Variants in TCEA1 observed in about 807,000 individuals in gnomAD.
TCEA1 encodes the protein transcription elongation factor A protein 1.
In TCEA1, 21 loss-of-function variants were observed where a neutral mutation model predicts 43.8. That is an observed-to-expected ratio of 0.48 (90% CI 0.34 to 0.69). The LOEUF (loss-of-function observed/expected upper bound fraction) is 0.69, where lower values mean the gene tolerates loss of function less well. Among genes scored for constraint, TCEA1 ranks in the 30% least tolerant of loss-of-function variants. TCEA1 has a pLI of 0.01. For synonymous variants in TCEA1, 104 were observed against 117.5 expected (o/e 0.88, Z 0.75); for missense variants, 250 against 365.1 (o/e 0.68, Z 2.57).
At chr8:53,988,450 A>G (rs1274887409) in intron 4 of TCEA1, among the ~76,000 whole-genome samples, 191 bp from the exon 5 acceptor site, 1 of 152,244 alleles carries the variant, frequency 6.6e-6, no homozygotes, top group East Asian at 1.9e-4. Flanking sequence ...ACAATTTAGT[A>G]AAGTGACAAG....
At chr8:53,979,220 T>C (rs1158796658) in intron 7 of TCEA1, 49 bp from the exon 8 acceptor site, 1 of 1,512,968 alleles carries the variant, frequency 6.6e-7, no homozygotes. Context: ...CTTCTATATA[T>C]ATCCTGAATG....
intron 8 of TCEA1, chr8:53,972,760 A>G (rs188178488): frequency 1.4e-5 from 10 of 711,638 alleles, no homozygotes; most frequent in African/African-American, 1.4e-4. Context: ...CTGAAGTACT[A>G]TTATGCAGTA....
intron 1 of TCEA1, among the ~76,000 whole-genome samples, chr8:54,018,702 C>T (rs1804922386): frequency 6.6e-6 from 1 of 152,146 alleles, no homozygotes; most frequent in Non-Finnish European, 1.5e-5. Context: ...GTGGCTTGGT[C>T]ATGTGCACTT....
chr8:54,008,003 G>A (rs969304170), intron 2 of TCEA1, among the ~76,000 whole-genome samples: 1 of 151,832 alleles, frequency 6.6e-6, no homozygotes, highest in African/African-American at 2.4e-5. Flanking sequence ...CCAACATGGT[G>A]AAACCCCGTC....
chr8:53,978,951 C>A, intron 8 of TCEA1, 74 bp downstream of exon 8: 1 of 1,472,576 alleles, frequency 6.8e-7, no homozygotes. Context: ...TGGTAATTAT[C>A]TTTGCTATTT....
At chr8:53,988,395 A>G in intron 4 of TCEA1, 136 bp from the exon 5 acceptor site, 1 of 1,025,440 alleles carries the variant, frequency 9.8e-7, no homozygotes, top group Non-Finnish European at 1.3e-6. Flanking sequence ...TATGTGATGG[A>G]AAAAAAATTG....
chr8:53,977,877 G>A (rs144604096), intron 8 of TCEA1, among the ~76,000 whole-genome samples: 5 of 152,320 alleles, frequency 3.3e-5, no homozygotes, highest in African/African-American at 1.2e-4. Flanking sequence ...CATAAGCCAT[G>A]TGGAGGAGCG....
chr8:53,979,299 A>AT (rs1803434810), intron 7 of TCEA1, 128 bp from the exon 8 acceptor site: 1 of 1,076,294 alleles, frequency 9.3e-7, no homozygotes. Context: ...AAAGCATTAA[A>AT]TTAATATTTT....
At chr8:54,000,644 C>CAGAA (rs1396883650) in intron 2 of TCEA1, among the ~76,000 whole-genome samples, 1 of 152,148 alleles carries the variant, frequency 6.6e-6, no homozygotes, top group African/African-American at 2.4e-5. Context: ...ATTCATCAAT[C>CAGAA]TTTCTAACAA....
Position 53,984,442 on chromosome 8 carries a change from T to A in TCEA1, c.599A>T (p.Asp200Val), listed in dbSNP as rs1378782348. Residue 200 changes from aspartate (D) to valine (V), a missense_variant, in exon 7 of 10, where the codon GAT becomes GTT. This residue lies in a region of TCEA1 where 147 missense variants were observed against 160.3 expected (regional missense o/e 0.92). Transcript: ENST00000521604. ...TTTCCTTAAATTTGGATTTTTTGCA[T>A]CTTTAAGATTTGATATCCTACTTCG... ...RVRSRISNLKDAKNPNLRKNV... is the reference protein window; with the variant it reads ...RVRSRISNLKVAKNPNLRKNV... 6.2e-7 allele frequency: 1 copy of A among 1,602,936 alleles called. No individual in the cohort carries two copies. The highest frequency in any genetic ancestry group is 2.2e-5 in the East Asian group (1 of 44,778).
intron 2 of TCEA1, 26 bp from the exon 3 acceptor site, chr8:54,000,076 T>C (rs778972115): frequency 1.2e-5 from 15 of 1,273,558 alleles, no homozygotes; most frequent in Admixed American, 2.5e-5. Context: ...AAAAAAATTA[T>C]GTATACCAAT....
intron 2 of TCEA1, among the ~76,000 whole-genome samples, chr8:54,005,674 T>A (rs1804415648): frequency 6.6e-6 from 1 of 152,192 alleles, no homozygotes; most frequent in South Asian, 2.1e-4. Flanking sequence ...AGGCTGTCTT[T>A]CATTAACAAA....
intron 1 of TCEA1, among the ~76,000 whole-genome samples, chr8:54,018,359 A>G (rs145299289): frequency 6.6e-6 from 1 of 152,344 alleles, no homozygotes; most frequent in East Asian, 1.9e-4. Context: ...TCTATAATCT[A>G]AATGAATCCT....
chr8:54,022,398 A>C lies in TCEA1; in HGVS notation c.-273T>G. 6.0e-6 allele frequency: 3 copies of C among 500,016 alleles called. No homozygotes were observed. Among genetic ancestry groups the C allele is most frequent in the South Asian group, 4.6e-5 (2 of 43,096 alleles). 31.0% of individuals were successfully genotyped at this position (500,016 alleles called of 1,614,324 possible). ...CAGATCGCTGGTGAGGGGCGAGCCC[A>C]TGTTCCCGCCAGGCGGGCGTCGGGC... On this transcript the variant is annotated 5_prime_UTR_variant, in exon 1 of 10. It removes an upstream start codon present in the reference 5' UTR. Transcript: ENST00000521604.
chr8:54,002,073 A>G (rs1375096594), intron 2 of TCEA1, among the ~76,000 whole-genome samples: 1 of 145,812 alleles, frequency 6.9e-6, no homozygotes. Context: ...GGAGGCTGAG[A>G]CAGAAGAATC....
In TCEA1 at chr8:54,003,956, C is replaced by T. The variant is rs186669779; in HGVS notation, c.127-3906G>A. Among the ~76,000 whole-genome samples, 13 of 151,470 alleles carry T rather than the reference C, an allele frequency of 8.6e-5. No homozygotes were observed. The East Asian group carries it at 1.9e-3, about 23-fold the overall frequency. ...ACTCGATTAAAAAAAAAAAGACAAT[C>T]CAATTTAAAAACGGGCAAAGGATCT... is the stretch of plus-strand genomic sequence containing the variant. On this transcript the variant is annotated intron_variant, in intron 2 of 9. Coordinates refer to ENST00000521604, the MANE Select transcript of TCEA1 (RefSeq NM_006756.4).
rs1017721279 is a variant in TCEA1, at chr8:53,968,056, C to T, written c.*48G>A. 1.3e-6 allele frequency: 2 copies of T among 1,516,588 alleles called. No individual in the cohort carries two copies. Among genetic ancestry groups the T allele is most frequent in the African/African-American group, 2.8e-5 (2 of 72,424 alleles). The allele number at this position is 1,516,588 out of a possible 1,614,324, so 93.9% of individuals were successfully genotyped here. On this transcript the variant is annotated 3_prime_UTR_variant, in exon 10 of 10. Coordinates refer to ENST00000521604, the MANE Select transcript of TCEA1 (RefSeq NM_006756.4). ...GCTTGGCCTAGTTTAAAGCTAGTTA[C>T]AAAATCCGTTTTCTTAATGGTCCAG...
At chr8:53,982,704 T>C (rs1363057606) in intron 7 of TCEA1, among the ~76,000 whole-genome samples, 1 of 151,702 alleles carries the variant, frequency 6.6e-6, no homozygotes, top group Non-Finnish European at 1.5e-5. Context: ...CTTCAAGATG[T>C]GACTGAGTTG....
chr8:53,998,751 G>T (rs1216796136), intron 3 of TCEA1, among the ~76,000 whole-genome samples: 2 of 152,124 alleles, frequency 1.3e-5, no homozygotes, highest in African/African-American at 4.8e-5. Flanking sequence ...GATAGTGAAA[G>T]ATCACAGACC....
Sources: allele counts gnomAD v4.1 joint callset (sites outside exome capture counted in the v4.1 genomes callset), GRCh38; gene constraint gnomAD v4.1.1; regional missense constraint gnomAD v4.1.1; transcripts MANE v1.5; gene names NCBI Gene and HGNC (gene_info 2026-07-23, HGNC 2026-07-21).